The following OTOG variants were observed in gnomAD, a reference collection of about 807,000 sequenced individuals.
OTOG encodes otogelin.
OTOG carries 296 observed loss-of-function variants against 313.8 expected under a neutral mutation model. That is an observed-to-expected ratio of 0.94 (90% confidence interval 0.86 to 1.04). OTOG has a LOEUF of 1.04. Among genes scored for constraint, OTOG ranks in the 50% least tolerant of loss-of-function variants. OTOG has a pLI of 0.00. For synonymous variants in OTOG, 1,533 were observed against 1,554.9 expected (o/e 0.99, Z 0.33); for missense variants, 3,948 against 3,840.1 (o/e 1.03, Z -0.74).
In OTOG at chr11:17,591,513, T is replaced by C; in HGVS notation, c.2931T>C (p.Tyr977=). The part of the protein sequence containing the change: ...LHPCASTCTA[Y]GDRHYRTFDG... ...CTTGCGCCTCCACCTGCACTGCCTA[T>C]GGGGACCGGCATTACCGCACGTTTG... Residue 977 remains tyrosine, a synonymous_variant, in exon 25 of 56, where the codon TAT becomes TAC. Coordinates refer to ENST00000399397, the MANE Select transcript of OTOG (RefSeq NM_001292063.2). 2 of 1,550,694 alleles carry C rather than the reference T, an allele frequency of 1.3e-6. No individual in the cohort carries two copies. The highest frequency in any genetic ancestry group is 1.2e-5 in the South Asian group (1 of 84,066).
At chr11:17,584,655 A>G (rs114911467) in intron 23 of OTOG, among the ~76,000 whole-genome samples, 5,356 of 152,138 alleles carry the variant, frequency 0.035, 342 homozygotes, top group African/African-American at 0.12. Context: ...TCTCCAGAGT[A>G]GCTGGGATTA....
intron 53 of OTOG, among the ~76,000 whole-genome samples, chr11:17,642,627 GCACACACATGC>G (rs1848000155): frequency 6.6e-6 from 1 of 152,140 alleles, no homozygotes; most frequent in Non-Finnish European, 1.5e-5. Flanking sequence ...GCACACTCTT[GCACACACATGC>G]CACGCAGATG....
Position 17,574,884 on chromosome 11 carries a change from G to A in OTOG, c.2458G>A (p.Asp820Asn). 6.5e-7 allele frequency: 1 copy of A among 1,534,452 alleles called. No individual in the cohort carries two copies. Among genetic ancestry groups the A allele is most frequent in the Non-Finnish European group, 8.8e-7 (1 of 1,138,062 alleles). Residue 820 changes from aspartate (D) to asparagine (N), a missense_variant, in exon 20 of 56, where the codon GAC (aspartate) becomes AAC (asparagine). Coordinates refer to ENST00000399397, the MANE Select transcript of OTOG (RefSeq NM_001292063.2). Reference protein sequence around the residue: ...GCACPPDTYLDTQADLCVPRN... With the variant: ...GCACPPDTYLNTQADLCVPRN... Reference sequence around the variant, plus strand: ...TGCCTGCCCACCGGACACCTATCTGGACACCCAGGCTGACCTCTGTGTCCC... The same window carrying A: ...TGCCTGCCCACCGGACACCTATCTGAACACCCAGGCTGACCTCTGTGTCCC...
In OTOG at chr11:17,633,742, A is replaced by T; in HGVS notation, c.7135A>T (p.Thr2379Ser). 6.4e-7 allele frequency: 1 copy of T among 1,550,400 alleles called. No individual in the cohort carries two copies. Residue 2379 changes from threonine (T) to serine (S), a missense_variant, in exon 43 of 56, where the codon ACA becomes TCA. Physicochemically the swap from Thr to Ser is moderately conservative, Grantham distance 58 (BLOSUM62 1). Coordinates refer to ENST00000399397, the MANE Select transcript of OTOG (RefSeq NM_001292063.2). Reference protein sequence around the residue: ...ACVTACEPPKTCQDGILGPLD... With the variant: ...ACVTACEPPKSCQDGILGPLD... Reference sequence around the variant, plus strand: ...TGTGACAGCCTGTGAGCCACCCAAGACATGCCAGGATGGGATACTAGGGCC... The same window carrying T: ...TGTGACAGCCTGTGAGCCACCCAAGTCATGCCAGGATGGGATACTAGGGCC...
rs1449542511 is a variant in OTOG, at chr11:17,547,544, CAGGTTGGAGAG to C, written c.94+82_94+92del. Reference sequence around the variant, plus strand: ...TAAAGGAATGAGGAATGGGCCCGCGCAGGTTGGAGAGAGGGAGGAAAGAGAGGTTTGAGGGA... The same window carrying C: ...TAAAGGAATGAGGAATGGGCCCGCGCAGGGAGGAAAGAGAGGTTTGAGGGA... On this transcript the variant is annotated intron_variant, in intron 1 of 55. Transcript: ENST00000399397. 72 of 1,272,604 alleles carry C rather than the reference CAGGTTGGAGAG, an allele frequency of 5.7e-5. No homozygotes were observed. Among genetic ancestry groups the C allele is most frequent in the Non-Finnish European group, 7.0e-5 (71 of 1,010,114 alleles). 78.8% of individuals were successfully genotyped at this position (1,272,604 alleles called of 1,614,324 possible). A position where few individuals can be genotyped will look rare whatever the true frequency, so the allele number is the denominator to read the frequency against.
intron 47 of OTOG, among the ~76,000 whole-genome samples, chr11:17,636,160 A>G (rs991076501): frequency 1.3e-5 from 2 of 152,218 alleles, no homozygotes; most frequent in Non-Finnish European, 2.9e-5. Flanking sequence ...AATTATAAAT[A>G]AAAGTATGCT....
At chr11:17,579,117 C>T (rs1400431666) in intron 23 of OTOG, among the ~76,000 whole-genome samples, 1 of 152,212 alleles carries the variant, frequency 6.6e-6, no homozygotes, top group Non-Finnish European at 1.5e-5. Flanking sequence ...GGGCCTGACA[C>T]CCAGCTCTGC....
chr11:17,573,308 G>C lies in OTOG; in HGVS notation c.2293+18G>C. 1 of 1,506,334 alleles carries C rather than the reference G, an allele frequency of 6.6e-7. No homozygotes were observed. The highest frequency in any genetic ancestry group is 1.2e-5 in the South Asian group (1 of 80,564). The allele number at this position is 1,506,334 out of a possible 1,614,324, so 93.3% of individuals were successfully genotyped here. A position where few individuals can be genotyped will look rare whatever the true frequency, so the allele number is the denominator to read the frequency against. ...AGCCTGTGGTGAGTGCCCCACCCAT[G>C]TGAGGCTGAGCTGGAGGAGCCAGAG... On this transcript the variant is annotated intron_variant, in intron 19 of 55. Transcript: ENST00000399397.
intron 4 of OTOG, among the ~76,000 whole-genome samples, chr11:17,552,372 A>G (rs1425378819): frequency 2.0e-5 from 3 of 151,914 alleles, no homozygotes; most frequent in Non-Finnish European, 4.4e-5. Flanking sequence ...TTCCCCCTCC[A>G]TCCCACCTGG....
intron 23 of OTOG, among the ~76,000 whole-genome samples, chr11:17,584,430 T>C (rs1225255541): frequency 6.6e-6 from 1 of 151,974 alleles, no homozygotes; most frequent in African/African-American, 2.4e-5. Flanking sequence ...TTTGCTGTAG[T>C]TTTTTTTGCA....
intron 17 of OTOG, 179 bp downstream of exon 17, chr11:17,570,569 A>G: frequency 1.6e-6 from 1 of 631,974 alleles, no homozygotes; most frequent in South Asian, 2.1e-5. Flanking sequence ...AGCGGTTCAC[A>G]GTCCTCTATG....
chr11:17,550,616 G>C (rs1393925135), intron 3 of OTOG, among the ~76,000 whole-genome samples: 2 of 152,212 alleles, frequency 1.3e-5, no homozygotes, highest in Non-Finnish European at 2.9e-5. Context: ...CATCTGAAGT[G>C]GGAGTGAAGA....
At chr11:17,634,359 TG>T in intron 44 of OTOG, 78 bp downstream of exon 44, 9 of 1,427,124 alleles carry the variant, frequency 6.3e-6, no homozygotes, top group Middle Eastern at 1.8e-4. Flanking sequence ...CCAACCCTGA[TG>T]GATAGGACAA....
At chr11:17,548,072 G>C in intron 2 of OTOG, 80 bp from the exon 3 acceptor site, 1 of 1,430,614 alleles carries the variant, frequency 7.0e-7, no homozygotes, top group Non-Finnish European at 9.3e-7. Context: ...TTAGCACTTA[G>C]GGTGGGATAG....
In OTOG at chr11:17,610,425, G is replaced by A. The variant is rs1189579324; in HGVS notation, c.5125G>A (p.Val1709Ile). Residue 1709 changes from valine to isoleucine, a missense_variant, in exon 36 of 56, where the codon GTC becomes ATC. Physicochemically the swap from Val to Ile is conservative, Grantham distance 29 (BLOSUM62 3). Transcript: ENST00000399397. ...VAGTAAEQVP[V>I]SPLATRSLEI... ...TGGAACAGCAGCAGAACAGGTTCCTGTCAGTCCCCTTGCAACCAGGAGCTT... is the reference window on the plus strand; with the variant it reads ...TGGAACAGCAGCAGAACAGGTTCCTATCAGTCCCCTTGCAACCAGGAGCTT... 4.7e-5 allele frequency: 73 copies of A among 1,550,446 alleles called. No homozygotes were observed. Among genetic ancestry groups the A allele is most frequent in the Non-Finnish European group, 6.1e-5 (70 of 1,146,980 alleles).
chr11:17,547,271 G>C lies in OTOG; in HGVS notation c.-102G>C. 1.0e-6 allele frequency: 1 copy of C among 992,164 alleles called. No individual in the cohort carries two copies. The highest frequency in any genetic ancestry group is 1.3e-6 in the Non-Finnish European group (1 of 760,072). 61.5% of individuals were successfully genotyped at this position (992,164 alleles called of 1,614,324 possible). A position where few individuals can be genotyped will look rare whatever the true frequency, so the allele number is the denominator to read the frequency against. ...GGAGCCCTGGGGCATGAGAACAAGA[G>C]GGACCTCGGCTGCGGAGTGGAGGTG... On this transcript the variant is annotated 5_prime_UTR_variant, in exon 1 of 56. Coordinates refer to ENST00000399397, the MANE Select transcript of OTOG (RefSeq NM_001292063.2).
chr11:17,559,707 C>T, intron 12 of OTOG, 45 bp downstream of exon 12: 1 of 1,499,446 alleles, frequency 6.7e-7, no homozygotes, highest in Non-Finnish European at 9.0e-7. Flanking sequence ...TCTTCCTGGC[C>T]TGGCACAGAT....
At chr11:17,641,288 G>A (rs186451210) in intron 51 of OTOG, among the ~76,000 whole-genome samples, 197 bp downstream of exon 51, 17 of 152,280 alleles carry the variant, frequency 1.1e-4, no homozygotes, top group East Asian at 5.8e-4. Flanking sequence ...CAGAAGGGAC[G>A]GATTTAGTGC....
chr11:17,639,402 C>G, intron 48 of OTOG, 21 bp from the exon 49 acceptor site: 1 of 1,550,668 alleles, frequency 6.4e-7, no homozygotes, highest in African/African-American at 1.4e-5. Context: ...GAAGTGGGGC[C>G]TGGCCCCTTG....
Sources: gnomAD v4.1 joint callset for allele counts (sites outside exome capture counted in the v4.1 genomes callset) on GRCh38, gnomAD v4.1.1 for gene constraint, MANE v1.5 for transcripts, NCBI Gene and HGNC (gene_info 2026-07-23, HGNC 2026-07-21) for gene names.